The following ANOS1 variants were observed in gnomAD, a reference collection of about 807,000 sequenced individuals.
ANOS1 encodes the protein anosmin 1.
Under a neutral mutation model 59.0 loss-of-function variants are expected in ANOS1, and 6 were observed. The observed-to-expected ratio is 0.10, with a 90% confidence interval of 0.06 to 0.20. The LOEUF is 0.20. Among genes scored for constraint, ANOS1 ranks in the 10% least tolerant of loss-of-function variants. ANOS1 has a pLI of 1.00. For missense variants in ANOS1, 433 were observed against 542.3 expected (o/e 0.80, Z 2.00); for synonymous variants, 217 against 223.4 (o/e 0.97, Z 0.25).
At chrX:8,679,166 C>T (rs1021643808) in intron 2 of ANOS1, among the ~76,000 whole-genome samples, 1 of 111,704 alleles carries the variant, frequency 9.0e-6, no homozygotes, top group Non-Finnish European at 1.9e-5. Flanking sequence ...AGTTATCCAA[C>T]TCAAGAGACC....
chrX:8,720,568 C>T (rs978891592), intron 1 of ANOS1, among the ~76,000 whole-genome samples: 3 of 111,542 alleles, frequency 2.7e-5, no homozygotes, highest in African/African-American at 6.5e-5. Context: ...CAACAACTTG[C>T]AGCAATTTTA....
intron 10 of ANOS1, among the ~76,000 whole-genome samples, chrX:8,539,086 T>G (rs751473496): frequency 9.0e-6 from 1 of 111,066 alleles, no homozygotes; most frequent in South Asian, 3.9e-4. Context: ...CTATAATTCA[T>G]GAATGAACCC....
chrX:8,585,607 C>T (rs1001843231), intron 5 of ANOS1, among the ~76,000 whole-genome samples: 1 of 111,995 alleles, frequency 8.9e-6, no homozygotes, highest in African/African-American at 3.2e-5. Context: ...TTAAACATCT[C>T]TTGAAGTCAA....
chrX:8,708,930 G>A (rs969908812), intron 1 of ANOS1, among the ~76,000 whole-genome samples: 2 of 111,764 alleles, frequency 1.8e-5, no homozygotes, highest in Non-Finnish European at 3.8e-5. Context: ...ATACTATGCA[G>A]CCATAAAAAA....
At chrX:8,641,983 T>C (rs1346946578) in intron 2 of ANOS1, among the ~76,000 whole-genome samples, 1 of 111,590 alleles carries the variant, frequency 9.0e-6, no homozygotes, top group Non-Finnish European at 1.9e-5. Context: ...TAAAGTTTTA[T>C]GTATAAAATC....
chrX:8,694,241 T>A (rs767425963), intron 2 of ANOS1, among the ~76,000 whole-genome samples: 1 of 112,014 alleles, frequency 8.9e-6, no homozygotes, highest in Non-Finnish European at 1.9e-5. Context: ...AAAGAAAATG[T>A]TAAACTAGAA....
chrX:8,725,639 GATATATATACAGATAT>G lies in ANOS1; in HGVS notation c.207+6175_207+6190del, dbSNP rs1348583807. Among the ~76,000 whole-genome samples, 96 of 37,411 alleles carry G rather than the reference GATATATATACAGATAT, an allele frequency of 2.6e-3. 2 individuals carry two copies. Among genetic ancestry groups the G allele is most frequent in the Non-Finnish European group, 3.9e-3 (85 of 21,873 alleles). 32.5% of individuals were successfully genotyped at this position (37,411 alleles called of 115,157 possible). ...ATATATATACAGATATATATATACA[GATATATATACAGATAT>G]ATATATATACAGATATATATATACA... is the stretch of plus-strand genomic sequence containing the variant. On this transcript the variant is annotated intron_variant, in intron 1 of 13. Transcript: ENST00000262648.
intron 2 of ANOS1, among the ~76,000 whole-genome samples, chrX:8,657,840 A>G (rs1321860274): frequency 9.0e-6 from 1 of 111,149 alleles, no homozygotes; most frequent in African/African-American, 3.3e-5. Context: ...ATAAGGAAGA[A>G]GGGGAGTGAG....
rs1456640399 is a variant in ANOS1 at position 8,566,240 on chromosome X, T to A, written c.1207+1992A>T. ...GTATGCAACACACAGATCTTTGTTA[T>A]TATTTTACATATTTATCTCCCAAAT... On this transcript the variant is annotated intron_variant, in intron 8 of 13. Transcript: ENST00000262648. 3 of 751,443 alleles carry A rather than the reference T, an allele frequency of 4.0e-6. No individual in the cohort carries two copies. In the East Asian group the frequency reaches 4.5e-4, roughly 114 times the overall value. The allele number at this position is 751,443 out of a possible 1,213,427, so 61.9% of individuals were successfully genotyped here. A position where few individuals can be genotyped will look rare whatever the true frequency, so the allele number is the denominator to read the frequency against.
rs184127327 is a variant in ANOS1 at position 8,540,800 on chromosome X, A to G, written c.1355-1042T>C. Among the ~76,000 whole-genome samples, 738 of 110,553 alleles carry G rather than the reference A, an allele frequency of 6.7e-3. 10 individuals carry two copies. The highest frequency in any genetic ancestry group is 0.023 in the African/African-American group (711 of 30,408). ...AAAAGAAGAACTTTAAATCCGAGAA[A>G]GCAAACAGATATAAAAGTGGGCACT... On this transcript the variant is annotated intron_variant, in intron 9 of 13. Transcript: ENST00000262648.
intron 3 of ANOS1, among the ~76,000 whole-genome samples, chrX:8,621,688 AT>A (rs1357184178): frequency 8.9e-6 from 1 of 111,985 alleles, no homozygotes; most frequent in Non-Finnish European, 1.9e-5. Flanking sequence ...TAAATCCCTC[AT>A]TTGAAAAATG....
chrX:8,586,675 TA>T (rs2146818153), intron 5 of ANOS1, among the ~76,000 whole-genome samples: 1 of 111,849 alleles, frequency 8.9e-6, no homozygotes, highest in Non-Finnish European at 1.9e-5. Flanking sequence ...GCATGCCGTG[TA>T]AATCAAATGG....
At chrX:8,555,543 G>A (rs1368914030) in intron 8 of ANOS1, among the ~76,000 whole-genome samples, 1 of 111,587 alleles carries the variant, frequency 9.0e-6, no homozygotes, top group African/African-American at 3.3e-5. Context: ...AATGATAAAG[G>A]GGATATCACT....
chrX:8,619,642 T>G (rs944693738), intron 3 of ANOS1, among the ~76,000 whole-genome samples: 2 of 111,806 alleles, frequency 1.8e-5, no homozygotes, highest in Non-Finnish European at 3.8e-5. Flanking sequence ...CATTATTACC[T>G]CTGACATTAG....
At chrX:8,729,867 G>A (rs1932956314) in intron 1 of ANOS1, among the ~76,000 whole-genome samples, 2 of 110,774 alleles carry the variant, frequency 1.8e-5, no homozygotes, top group Admixed American at 9.6e-5. Context: ...ACCAGGTTAG[G>A]GTTAAGGCTC....
Position 8,699,714 on chromosome X carries a change from T to C in ANOS1, c.239A>G (p.His80Arg). ...NNGSLVWCQN[H>R]KQCSKCLEPC... ...GAAACGTACCTTAGAACATTGCTTG[T>C]GATTCTGGCACCAAACCAGGGAACC... The change falls in exon 2 of 14, where the codon CAC becomes CGC. Residue 80 changes from histidine (H) to arginine (R), a missense_variant. Coordinates refer to ENST00000262648, the MANE Select transcript of ANOS1 (RefSeq NM_000216.4). The C allele has an allele frequency of 8.3e-7, 1 of 1,201,057 alleles. No individual in the cohort carries two copies.
chrX:8,714,878 C>G (rs1179505551), intron 1 of ANOS1, among the ~76,000 whole-genome samples: 1 of 112,065 alleles, frequency 8.9e-6, no homozygotes, highest in African/African-American at 3.2e-5. Flanking sequence ...ATTCATCAAA[C>G]TAAAATAGAG....
chrX:8,590,444 C>T (rs58656577), intron 4 of ANOS1, among the ~76,000 whole-genome samples: 7,148 of 111,004 alleles, frequency 0.064, 286 homozygotes, highest in South Asian at 0.23. Flanking sequence ...AAATGCCACC[C>T]CTCTGTGACA....
At position 8,732,067 on chromosome X, in the gene ANOS1, C is replaced by G. The variant is rs930999557; in HGVS notation, c.-31G>C. The G allele has an allele frequency of 1.1e-6, 1 of 909,399 alleles. No individual in the cohort carries two copies. Among genetic ancestry groups the G allele is most frequent in the African/African-American group, 2.1e-5 (1 of 47,530 alleles). 74.9% of individuals were successfully genotyped at this position (909,399 alleles called of 1,213,427 possible). A position where few individuals can be genotyped will look rare whatever the true frequency, so the allele number is the denominator to read the frequency against. On this transcript the variant is annotated 5_prime_UTR_variant, in exon 1 of 14. Transcript: ENST00000262648. Reference sequence around the variant, plus strand: ...CGGGTCGAGGGCGAGGGCGAGGGCGCCGGGCGCGGGCCGAGGCTCCCTGCT... The same window carrying G: ...CGGGTCGAGGGCGAGGGCGAGGGCGGCGGGCGCGGGCCGAGGCTCCCTGCT...
Sources: allele counts gnomAD v4.1 joint callset (sites outside exome capture counted in the v4.1 genomes callset), GRCh38; gene constraint gnomAD v4.1.1; transcripts MANE v1.5; gene names NCBI Gene and HGNC (gene_info 2026-07-23, HGNC 2026-07-21).